CENPP: variants seen among roughly 807,000 people sequenced by gnomAD.
CENPP encodes the protein centromere protein P.
Under a neutral mutation model 35.6 loss-of-function variants are expected in CENPP, and 24 were observed. The observed-to-expected ratio is 0.67, with a 90% confidence interval of 0.49 to 0.95. CENPP has a LOEUF of 0.95. CENPP is among the 40% of genes least tolerant of loss of function. The pLI, the probability that CENPP is intolerant of heterozygous loss-of-function variation, is 0.00. For synonymous variants in CENPP, 120 were observed against 125.5 expected (o/e 0.96, Z 0.29); for missense variants, 332 against 345.3 (o/e 0.96, Z 0.31).
intron 5 of CENPP, chr9:92,386,387 CTATA>C: frequency 1.3e-6 from 1 of 762,272 alleles, no homozygotes; most frequent in African/African-American, 1.7e-5. Flanking sequence ...GAGTATATGT[CTATA>C]TATACAGACT....
At position 92,620,264 on chromosome 9, in the gene CENPP, G is replaced by C. The variant is rs1851586658; in HGVS notation, c.*7115G>C. 1 of 154,048 alleles carries C rather than the reference G, an allele frequency of 6.5e-6. No homozygotes were observed. Among genetic ancestry groups the C allele is most frequent in the South Asian group, 2.0e-4 (1 of 4,934 alleles). The allele number at this position is 154,048 out of a possible 1,614,324, so 9.5% of individuals were successfully genotyped here. On this transcript the variant is annotated 3_prime_UTR_variant, in exon 8 of 8. Coordinates refer to ENST00000375587, the MANE Select transcript of CENPP (RefSeq NM_001012267.3). The stretch of plus-strand genomic sequence containing the variant: ...CTTCAACACATGCTCCAAGCTATGT[G>C]GGTCTGTCCATACTGACCAGGGACA...
At position 92,329,182 on chromosome 9, in the gene CENPP, C is replaced by CT. The variant is rs11366828; in HGVS notation, c.108-2969dup. On this transcript the variant is annotated intron_variant, in intron 1 of 7. Coordinates refer to ENST00000375587, the MANE Select transcript of CENPP (RefSeq NM_001012267.3). ...GTCAGAAGCTCATTTATATTTATGG[C>CT]TTTTTTTTTTTTTTTTTTTGAGACG... is the stretch of plus-strand genomic sequence containing the variant. Among the ~76,000 whole-genome samples, 557 of 104,358 alleles carry CT rather than the reference C, an allele frequency of 5.3e-3. 3 individuals carry two copies. The highest frequency in any genetic ancestry group is 0.018 in the South Asian group (61 of 3,326). 68.5% of individuals were successfully genotyped at this position (104,358 alleles called of 152,430 possible).
rs866162769 is a variant in CENPP, at chr9:92,389,961, CAA to C, written c.564+10103_564+10104del. On this transcript the variant is annotated intron_variant, in intron 5 of 7. Transcript: ENST00000375587. The stretch of plus-strand genomic sequence containing the variant: ...GGAAGTTTTAGTAGTTGATTTTCAG[CAA>C]GTGAAAGTTCTTCTAACAGAGAAAG... The C allele has an allele frequency of 2.5e-6, 4 of 1,610,314 alleles. No homozygotes were observed. The African/African-American group carries it at 5.3e-5, about 22-fold the overall frequency.
At chr9:92,460,462 G>T in intron 5 of CENPP, 1 of 1,519,062 alleles carries the variant, frequency 6.6e-7, no homozygotes, top group Non-Finnish European at 9.1e-7. Context: ...TTAAAATTTT[G>T]GGAACGTTTA....
intron 5 of CENPP, among the ~76,000 whole-genome samples, chr9:92,597,108 G>C (rs956629987): frequency 1.3e-5 from 2 of 152,110 alleles, no homozygotes; most frequent in African/African-American, 4.8e-5. Context: ...ATGTTTATAA[G>C]CTTAGGTTTT....
intron 5 of CENPP, among the ~76,000 whole-genome samples, chr9:92,427,607 A>C (rs1022315437): frequency 1.7e-4 from 26 of 151,980 alleles, no homozygotes; most frequent in Admixed American, 5.2e-4. Context: ...CGGCCTCCCA[A>C]GTAGCTGGTA....
intron 5 of CENPP, among the ~76,000 whole-genome samples, chr9:92,567,741 T>A (rs984256304): frequency 6.6e-6 from 1 of 152,044 alleles, no homozygotes; most frequent in African/African-American, 2.4e-5. Flanking sequence ...TAACAGAGAT[T>A]AGGTGTGTTA....
intron 5 of CENPP, among the ~76,000 whole-genome samples, chr9:92,561,824 C>T (rs1849853999): frequency 6.6e-6 from 1 of 152,144 alleles, no homozygotes; most frequent in Non-Finnish European, 1.5e-5. Flanking sequence ...TATGAATGAG[C>T]ACCTACTGGC....
chr9:92,331,343 G>A (rs2130776915), intron 1 of CENPP, among the ~76,000 whole-genome samples: 1 of 152,166 alleles, frequency 6.6e-6, no homozygotes, highest in East Asian at 1.9e-4. Flanking sequence ...ACCACGCCTG[G>A]CAAATTTTTT....
At chr9:92,469,533 C>A (rs550837742) in intron 5 of CENPP, among the ~76,000 whole-genome samples, 6 of 152,320 alleles carry the variant, frequency 3.9e-5, no homozygotes, top group African/African-American at 1.4e-4. Context: ...AGGAACAGGC[C>A]AGGCCTGCAT....
chr9:92,473,717 T>G (rs1845609295), intron 5 of CENPP, among the ~76,000 whole-genome samples: 1 of 152,254 alleles, frequency 6.6e-6, no homozygotes. Context: ...CTAGCTCGTA[T>G]TAGTCTCCCC....
In CENPP at chr9:92,474,990, T is replaced by C. The variant is rs1845665961; in HGVS notation, c.564+95131T>C. 4 of 1,405,776 alleles carry C rather than the reference T, an allele frequency of 2.8e-6. No individual in the cohort carries two copies. In the South Asian group the frequency reaches 6.4e-5, roughly 23 times the overall value. The allele number at this position is 1,405,776 out of a possible 1,614,324, so 87.1% of individuals were successfully genotyped here. On this transcript the variant is annotated intron_variant, in intron 5 of 7. Transcript: ENST00000375587. ...ATTCCTGCATATATACATTTCTCAG[T>C]TCTGGCAAGAGTGCAATGAAATGGC...
chr9:92,328,342 T>A (rs973551973), intron 1 of CENPP, among the ~76,000 whole-genome samples: 2 of 152,130 alleles, frequency 1.3e-5, no homozygotes, highest in Non-Finnish European at 2.9e-5. Flanking sequence ...GTTGGATGGA[T>A]TGGAGGTAGG....
Position 92,544,712 on chromosome 9 carries a change from ATTTTT to A in CENPP, c.565-66586_565-66582del, listed in dbSNP as rs150281438. On this transcript the variant is annotated intron_variant, in intron 5 of 7. Transcript: ENST00000375587. ...ACCAGAGAAATTGTTATCACTATAA[ATTTTT>A]TTTTTTTTTTTTTTTGAGTTGGAGT... is the stretch of plus-strand genomic sequence containing the variant. Among the ~76,000 whole-genome samples, 758 of 132,454 alleles carry A rather than the reference ATTTTT, an allele frequency of 5.7e-3. 13 individuals carry two copies. Among genetic ancestry groups the A allele is most frequent in the Non-Finnish European group, 5.3e-3 (333 of 63,426 alleles). The allele number at this position is 132,454 out of a possible 152,430, so 86.9% of individuals were successfully genotyped here.
intron 5 of CENPP, among the ~76,000 whole-genome samples, chr9:92,468,367 A>T (rs1236242340): frequency 6.6e-6 from 1 of 152,210 alleles, no homozygotes; most frequent in African/African-American, 2.4e-5. Flanking sequence ...CTTGATTATC[A>T]CAGAGCTTCC....
At chr9:92,515,279 A>G in intron 5 of CENPP, 1 of 1,385,394 alleles carries the variant, frequency 7.2e-7, no homozygotes, top group East Asian at 2.6e-5. Flanking sequence ...AATGAAAATG[A>G]GGTTAGTAAA....
At chr9:92,512,160 G>T in intron 5 of CENPP, 1 of 1,467,032 alleles carries the variant, frequency 6.8e-7, no homozygotes, top group South Asian at 1.2e-5. Flanking sequence ...TTAGGCATGT[G>T]TGCATATACA....
intron 1 of CENPP, among the ~76,000 whole-genome samples, chr9:92,331,524 T>C (rs1840746806): frequency 6.6e-6 from 1 of 152,256 alleles, no homozygotes; most frequent in African/African-American, 2.4e-5. Flanking sequence ...TTGAGAGATA[T>C]ATCAGACATT....
chr9:92,576,461 T>G (rs1019138134), intron 5 of CENPP, among the ~76,000 whole-genome samples: 1 of 152,192 alleles, frequency 6.6e-6, no homozygotes, highest in Non-Finnish European at 1.5e-5. Context: ...TTAATAGCAC[T>G]AAACTTAAAC....
Sources: allele counts gnomAD v4.1 joint callset (sites outside exome capture counted in the v4.1 genomes callset), GRCh38; gene constraint gnomAD v4.1.1; transcripts MANE v1.5; gene names NCBI Gene and HGNC (gene_info 2026-07-23, HGNC 2026-07-21).